NFIB: variants seen among roughly 807,000 people sequenced by gnomAD.
NFIB encodes the protein nuclear factor 1 B-type.
NFIB carries 11 observed loss-of-function variants against 61.5 expected under a neutral mutation model. The observed-to-expected ratio is 0.18, with a 90% CI of 0.11 to 0.30. The LOEUF is 0.30. Among genes scored for constraint, NFIB ranks in the 10% least tolerant of loss-of-function variants. The pLI, the probability that NFIB is intolerant of heterozygous loss-of-function variation, is 1.00. For synonymous variants in NFIB, 260 were observed against 216.5 expected, an observed-to-expected ratio of 1.20 and a Z score of -1.76; for missense variants, 471 against 608.9, an observed-to-expected ratio of 0.77 and a Z score of 2.38.
At chr9:14,175,421 G>A (rs140533880) in intron 3 of NFIB, among the ~76,000 whole-genome samples, 2 of 152,032 alleles carry the variant, frequency 1.3e-5, no homozygotes, top group Middle Eastern at 3.4e-3. Context: ...TGATCCACTC[G>A]CCTCGGCCTC....
the NFIB span, among the ~76,000 whole-genome samples, chr9:14,510,755 T>C: frequency 1.3e-5 from 2 of 152,242 alleles, no homozygotes; most frequent in Admixed American, 6.5e-5. Flanking sequence ...GAAATCTTTA[T>C]CTCATAATTG....
At chr9:14,515,130 T>TG in the NFIB span, among the ~76,000 whole-genome samples, 2 of 151,704 alleles carry the variant, frequency 1.3e-5, no homozygotes, top group South Asian at 4.2e-4. Flanking sequence ...AGAAAAAACT[T>TG]GGAGATTGGA....
the NFIB span, among the ~76,000 whole-genome samples, chr9:14,502,575 G>A: frequency 2.0e-5 from 3 of 152,126 alleles, no homozygotes; most frequent in Non-Finnish European, 4.4e-5. Flanking sequence ...TCATCTGTGC[G>A]TTTCTTACAC....
chr9:14,212,933 T>C (rs2050465052), intron 2 of NFIB, among the ~76,000 whole-genome samples: 1 of 152,196 alleles, frequency 6.6e-6, no homozygotes, highest in Non-Finnish European at 1.5e-5. Context: ...TAGAGAATAA[T>C]TAGCTTAAGT....
At chr9:14,451,104 G>A in the NFIB span, among the ~76,000 whole-genome samples, 14 of 152,288 alleles carry the variant, frequency 9.2e-5, no homozygotes, top group East Asian at 2.7e-3. Context: ...CTAGCCAGCT[G>A]GAGGAAACAT....
At chr9:14,103,353 A>T (rs549441330) in intron 10 of NFIB, among the ~76,000 whole-genome samples, 1 of 148,514 alleles carries the variant, frequency 6.7e-6, no homozygotes, top group Non-Finnish European at 1.5e-5. Context: ...GGGGGGGGGG[A>T]AACACAGTAG....
intron 2 of NFIB, among the ~76,000 whole-genome samples, chr9:14,237,913 G>A (rs1182179849): frequency 1.4e-5 from 2 of 145,714 alleles, no homozygotes; most frequent in African/African-American, 2.5e-5. Context: ...TCTGGGTTCT[G>A]GGCAAAACAG....
chr9:14,280,259 A>C (rs919131869), intron 2 of NFIB, among the ~76,000 whole-genome samples: 14 of 152,118 alleles, frequency 9.2e-5, no homozygotes, highest in African/African-American at 3.4e-4. Context: ...CCCTGGGCAT[A>C]ATTTTTCTGT....
chr9:14,213,215 C>A (rs1197230142), intron 2 of NFIB, among the ~76,000 whole-genome samples: 4 of 152,188 alleles, frequency 2.6e-5, no homozygotes, highest in African/African-American at 9.7e-5. Context: ...AGTCAGGTAA[C>A]TGGTATTTCT....
intron 2 of NFIB, among the ~76,000 whole-genome samples, chr9:14,289,050 C>T (rs1399969314): frequency 2.7e-5 from 4 of 146,946 alleles, no homozygotes. Context: ...TATATCTTGT[C>T]CTTTTTTATT....
At chr9:14,306,245 G>T (rs914732625) in intron 2 of NFIB, among the ~76,000 whole-genome samples, 1 of 152,046 alleles carries the variant, frequency 6.6e-6, no homozygotes, top group African/African-American at 2.4e-5. Flanking sequence ...TGTAAGCAGC[G>T]CTGCGACTTT....
the NFIB span, among the ~76,000 whole-genome samples, chr9:14,444,334 C>G: frequency 6.6e-6 from 1 of 152,254 alleles, no homozygotes; most frequent in African/African-American, 2.4e-5. Context: ...CAACATAGAT[C>G]ATCAAACCAG....
chr9:14,324,336 A>G (rs1250493045), intron 1 of NFIB, among the ~76,000 whole-genome samples: 1 of 152,218 alleles, frequency 6.6e-6, no homozygotes, highest in Non-Finnish European at 1.5e-5. Context: ...AAATTTATTT[A>G]GAGTGAGAGG....
At chr9:14,246,466 GCTGAAGTCCTTCCTAATCAA>G (rs2054938140) in intron 2 of NFIB, among the ~76,000 whole-genome samples, 2 of 152,234 alleles carry the variant, frequency 1.3e-5, no homozygotes, top group South Asian at 4.2e-4. Flanking sequence ...ATTTCACTCT[GCTGAAGTCCTTCCTAATCAA>G]CCCTGCATTG....
At chr9:14,426,175 T>C in the NFIB span, among the ~76,000 whole-genome samples, 9 of 97,220 alleles carry the variant, frequency 9.3e-5, no homozygotes, top group African/African-American at 2.5e-4. Context: ...CTATGGCAAT[T>C]CTTGGCTTAA....
intron 4 of NFIB, 53 bp downstream of exon 4, chr9:14,155,772 A>T: frequency 8.9e-7 from 1 of 1,124,754 alleles, no homozygotes; most frequent in Non-Finnish European, 1.3e-6. Context: ...TCAAAATATA[A>T]AGTATTTTAA....
chr9:14,462,961 T>C, the NFIB span, among the ~76,000 whole-genome samples: 6 of 152,216 alleles, frequency 3.9e-5, no homozygotes, highest in Admixed American at 6.5e-5. Flanking sequence ...TCCTGTGTGC[T>C]GAATATGTGC....
At chr9:14,269,284 G>C (rs1179293683) in intron 2 of NFIB, among the ~76,000 whole-genome samples, 1 of 152,082 alleles carries the variant, frequency 6.6e-6, no homozygotes, top group East Asian at 1.9e-4. Context: ...TTCAAATTCT[G>C]CATCATATGT....
intron 1 of NFIB, among the ~76,000 whole-genome samples, chr9:14,320,387 G>C (rs1302715846): frequency 2.6e-5 from 4 of 152,156 alleles, no homozygotes; most frequent in African/African-American, 9.7e-5. Flanking sequence ...ACTTAGGCAG[G>C]AATCTGTAGT....
Sources: gnomAD v4.1 joint callset for allele counts (sites outside exome capture counted in the v4.1 genomes callset) on GRCh38, gnomAD v4.1.1 for gene constraint, MANE v1.5 for transcripts, NCBI Gene and HGNC (gene_info 2026-07-23, HGNC 2026-07-21) for gene names.